SHANK2: variants seen among roughly 807,000 people sequenced by gnomAD.
SHANK2 encodes SH3 and multiple ankyrin repeat domains 2, also known as SH3 and multiple ankyrin repeat domains protein 2.
SHANK2 carries 43 observed loss-of-function variants against 133.7 expected under a neutral mutation model. The observed-to-expected ratio is 0.32, with a 90% CI of 0.25 to 0.41. SHANK2 has a LOEUF of 0.41. SHANK2 is among the 10% of genes least tolerant of loss of function. The probability of loss-of-function intolerance (pLI) is 1.00; values close to 1 mark genes in which losing one functional copy is unlikely to be tolerated. For missense variants in SHANK2, 1,994 were observed against 2,235.8 expected (o/e 0.89, Z 2.18); for synonymous variants, 1,017 against 952.8 (o/e 1.07, Z -1.24).
intron 9 of SHANK2, among the ~76,000 whole-genome samples, chr11:71,066,059 C>G (rs1951054045): frequency 1.5e-5 from 2 of 137,006 alleles, no homozygotes; most frequent in African/African-American, 5.6e-5. Context: ...AGAACTCTCC[C>G]AGGGAGATGA....
In SHANK2 at chr11:70,813,674, A is replaced by C. The variant is rs181699649; in HGVS notation, c.1494-6503T>G. Among the ~76,000 whole-genome samples the C allele has an allele frequency of 7.2e-5, 11 of 152,208 alleles. No individual in the cohort carries two copies. The East Asian group carries it at 2.0e-3, about 27-fold the overall frequency. On this transcript the variant is annotated intron_variant, in intron 12 of 25. Transcript: ENST00000601538. ...CAGAGGGCAGCACAGCAAACGCAGG[A>C]GTTCCCAAGCCCTTAGCGTCTGTCA...
At chr11:70,709,960 A>G (rs1309346660) in intron 14 of SHANK2, among the ~76,000 whole-genome samples, 2 of 152,028 alleles carry the variant, frequency 1.3e-5, no homozygotes, top group African/African-American at 4.8e-5. Context: ...GGTGGTGAGA[A>G]CGGTTCCCAC....
At chr11:70,920,688 T>C (rs1191527324) in intron 10 of SHANK2, among the ~76,000 whole-genome samples, 1 of 152,216 alleles carries the variant, frequency 6.6e-6, no homozygotes, top group Non-Finnish European at 1.5e-5. Flanking sequence ...AGCACGCCAC[T>C]GCAGGGGAGA....
chr11:70,904,666 C>T (rs1407518268), intron 10 of SHANK2, among the ~76,000 whole-genome samples: 8 of 152,094 alleles, frequency 5.3e-5, no homozygotes, highest in East Asian at 3.9e-4. Flanking sequence ...TGCCACCACA[C>T]CTGGCTAATT....
At chr11:71,122,491 CTG>C (rs1952098972) in intron 3 of SHANK2, among the ~76,000 whole-genome samples, 1 of 152,066 alleles carries the variant, frequency 6.6e-6, no homozygotes, top group Non-Finnish European at 1.5e-5. Context: ...ACATGGGGGC[CTG>C]TCTTAGTGTG....
intron 10 of SHANK2, among the ~76,000 whole-genome samples, chr11:70,916,014 C>T (rs1020404429): frequency 1.3e-4 from 20 of 152,218 alleles, no homozygotes; most frequent in Admixed American, 1.3e-4. Flanking sequence ...CCCCGATTCA[C>T]ATCACCTTGC....
intron 12 of SHANK2, among the ~76,000 whole-genome samples, 178 bp downstream of exon 12, chr11:70,820,186 C>G (rs782580250): frequency 6.6e-6 from 1 of 152,232 alleles, no homozygotes; most frequent in African/African-American, 2.4e-5. Flanking sequence ...CCCCAGCCCC[C>G]CAAGGGGAGA....
intron 10 of SHANK2, chr11:70,933,137 A>G: frequency 2.2e-6 from 1 of 456,680 alleles, no homozygotes; most frequent in Non-Finnish European, 4.4e-6. Flanking sequence ...AGATAAATGG[A>G]TGAACAAAGT....
intron 16 of SHANK2, 36 bp downstream of exon 16, chr11:70,661,553 ACAAACAT>A (rs1555013293): frequency 1.5e-6 from 2 of 1,351,274 alleles, no homozygotes; most frequent in Non-Finnish European, 2.1e-6. Context: ...ACACACACAC[ACAAACAT>A]GGGAACATAT....
chr11:71,217,769 A>G (rs782602040), intron 2 of SHANK2, among the ~76,000 whole-genome samples: 54 of 152,266 alleles, frequency 3.5e-4, no homozygotes, highest in Non-Finnish European at 6.5e-4. Context: ...AGGCTTATGG[A>G]ATAAGGATAT....
At chr11:71,072,097 T>C (rs1015539929) in intron 9 of SHANK2, among the ~76,000 whole-genome samples, 2 of 152,158 alleles carry the variant, frequency 1.3e-5, no homozygotes, top group African/African-American at 2.4e-5. Flanking sequence ...CCTTCAATAG[T>C]GATGTCCAGG....
intron 17 of SHANK2, among the ~76,000 whole-genome samples, chr11:70,532,094 TCTC>T (rs1300113146): frequency 2.6e-5 from 4 of 152,046 alleles, no homozygotes; most frequent in African/African-American, 9.7e-5. Flanking sequence ...AGGAAACAAA[TCTC>T]CTTGATTCTT....
chr11:70,874,342 T>C (rs1949521988), intron 11 of SHANK2, among the ~76,000 whole-genome samples: 1 of 152,144 alleles, frequency 6.6e-6, no homozygotes, highest in Non-Finnish European at 1.5e-5. Context: ...CCATGATTTA[T>C]CTATCTATCT....
At chr11:71,218,310 G>A (rs1446136444) in intron 2 of SHANK2, among the ~76,000 whole-genome samples, 1 of 120,020 alleles carries the variant, frequency 8.3e-6, no homozygotes, top group Non-Finnish European at 1.6e-5. Context: ...TCTTGCCCAC[G>A]CTGGAGTGCA....
intron 14 of SHANK2, among the ~76,000 whole-genome samples, chr11:70,729,526 A>AT (rs1313198775): frequency 0.012 from 1,645 of 137,686 alleles, 16 homozygotes; most frequent in African/African-American, 0.023. Context: ...TACTTTCTTC[A>AT]TTTTTTTTTT....
intron 14 of SHANK2, among the ~76,000 whole-genome samples, chr11:70,710,132 G>T (rs1487113036): frequency 6.6e-6 from 1 of 152,136 alleles, no homozygotes; most frequent in Non-Finnish European, 1.5e-5. Context: ...AGATGAACGC[G>T]ATTTTAGGGC....
Position 71,094,529 on chromosome 11 carries a change from G to A in SHANK2, c.744+8C>T, listed in dbSNP as rs529300603. ...GGTGGCACCCAAGTAAGATGGGCCC[G>A]AGTTTACCTTCAGGGCAACTTGGTT... On this transcript the variant is annotated splice_region_variant and intron_variant, in intron 7 of 25. Coordinates refer to ENST00000601538, the MANE Select transcript of SHANK2 (RefSeq NM_012309.5). The A allele has an allele frequency of 1.8e-4, 272 of 1,548,388 alleles. 2 individuals are homozygous for A. In the South Asian group the frequency reaches 2.4e-3, roughly 14 times the overall value.
chr11:71,118,845 C>T lies in SHANK2; in HGVS notation c.395G>A (p.Gly132Asp). Reference sequence around the variant, plus strand: ...GAAATATACCTCCAGGGAAGGAACGCCCTCACCCACGGGCTGTGGGTACTC... The same window carrying T: ...GAAATATACCTCCAGGGAAGGAACGTCCTCACCCACGGGCTGTGGGTACTC... ...LREYPQPVGE[G>D]VPSLEFRYKK... The change falls in exon 4 of 26, where the codon GGC becomes GAC. Residue 132 changes from glycine to aspartate, a missense_variant. Gly to Asp is a moderately conservative substitution (Grantham distance 94, BLOSUM62 -1). Coordinates refer to ENST00000601538, the MANE Select transcript of SHANK2 (RefSeq NM_012309.5). 1.3e-6 allele frequency: 2 copies of T among 1,550,164 alleles called. No homozygotes were observed. The highest frequency in any genetic ancestry group is 1.2e-5 in the South Asian group (1 of 83,766).
At chr11:70,606,019 T>C (rs185638710) in intron 17 of SHANK2, among the ~76,000 whole-genome samples, 11 of 152,100 alleles carry the variant, frequency 7.2e-5, no homozygotes, top group Middle Eastern at 3.4e-3. Flanking sequence ...AAGATAACCA[T>C]CCGAGGGTCG....
Sources: allele counts gnomAD v4.1 joint callset (sites outside exome capture counted in the v4.1 genomes callset), GRCh38; gene constraint gnomAD v4.1.1; transcripts MANE v1.5; gene names NCBI Gene and HGNC (gene_info 2026-07-23, HGNC 2026-07-21).